Variants in RFX3 observed in about 807,000 individuals in gnomAD.
RFX3 encodes transcription factor RFX3.
A neutral mutation model predicts 98.6 loss-of-function variants in RFX3; 14 were observed. That is an observed-to-expected ratio of 0.14 (90% confidence interval 0.09 to 0.22). RFX3 has a LOEUF of 0.22. RFX3 is among the 10% of genes least tolerant of loss of function. The probability of loss-of-function intolerance (pLI) is 1.00; values close to 1 mark genes in which losing one functional copy is unlikely to be tolerated. For synonymous variants in RFX3, 383 were observed against 328.4 expected, an observed-to-expected ratio of 1.17 and a Z score of -1.80; for missense variants, 639 against 926.9, an observed-to-expected ratio of 0.69 and a Z score of 4.03.
intron 1 of RFX3, among the ~76,000 whole-genome samples, chr9:3,519,770 C>T (rs1227409643): frequency 1.3e-5 from 2 of 152,098 alleles, no homozygotes; most frequent in Non-Finnish European, 2.9e-5. Context: ...TTTATTGATA[C>T]TCTAAACACG....
At chr9:3,477,855 A>C (rs1159115098) in intron 1 of RFX3, among the ~76,000 whole-genome samples, 1 of 152,166 alleles carries the variant, frequency 6.6e-6, no homozygotes, top group Middle Eastern at 3.2e-3. Context: ...TGATCCTCAC[A>C]TTGAACAATC....
chr9:3,233,814 C>T (rs1245404190), intron 15 of RFX3, among the ~76,000 whole-genome samples: 1 of 134,020 alleles, frequency 7.5e-6, no homozygotes, highest in Non-Finnish European at 1.6e-5. Context: ...AGATAAAGTA[C>T]TTCGCATAGT....
At chr9:3,352,885 G>C (rs1835313918) in intron 2 of RFX3, among the ~76,000 whole-genome samples, 2 of 152,024 alleles carry the variant, frequency 1.3e-5, no homozygotes, top group Non-Finnish European at 2.9e-5. Flanking sequence ...GAAATATAAA[G>C]ACACGTGCAC....
chr9:3,254,059 A>G (rs540683678), intron 14 of RFX3, among the ~76,000 whole-genome samples: 1 of 152,272 alleles, frequency 6.6e-6, no homozygotes, highest in East Asian at 1.9e-4. Context: ...AACGAAAATA[A>G]TAACTATAAT....
intron 1 of RFX3, among the ~76,000 whole-genome samples, chr9:3,508,203 G>C (rs1395043245): frequency 6.6e-6 from 1 of 151,884 alleles, no homozygotes; most frequent in Admixed American, 6.6e-5. Context: ...TTCCATATTT[G>C]AGTTTCCTTC....
At chr9:3,487,917 C>A (rs1223690833) in intron 1 of RFX3, among the ~76,000 whole-genome samples, 2 of 152,106 alleles carry the variant, frequency 1.3e-5, no homozygotes, top group Non-Finnish European at 2.9e-5. Flanking sequence ...ACAATTCCTT[C>A]CCCATATAAC....
intron 1 of RFX3, among the ~76,000 whole-genome samples, chr9:3,420,452 A>C (rs1587608524): frequency 6.6e-6 from 1 of 152,172 alleles, no homozygotes; most frequent in Admixed American, 6.5e-5. Flanking sequence ...TTTTACATAC[A>C]TTATTTTATT....
At chr9:3,241,976 CA>C in intron 15 of RFX3, among the ~76,000 whole-genome samples, 1 of 152,240 alleles carries the variant, frequency 6.6e-6, no homozygotes, top group Non-Finnish European at 1.5e-5. Flanking sequence ...TTGTGATTGT[CA>C]GAGAGAAAAT....
intron 1 of RFX3, among the ~76,000 whole-genome samples, chr9:3,460,698 C>G (rs1847606724): frequency 6.9e-6 from 1 of 145,804 alleles, no homozygotes. Flanking sequence ...CTCCCTTAAT[C>G]CCAACCCAAC....
At chr9:3,250,670 A>G (rs193093263) in intron 14 of RFX3, among the ~76,000 whole-genome samples, 2 of 152,272 alleles carry the variant, frequency 1.3e-5, no homozygotes. Context: ...AAACTAGGAA[A>G]AGAAAGTAAA....
In RFX3 at chr9:3,222,080, A is replaced by G. The variant is rs951867695; in HGVS notation, c.*2962T>C. 2.0e-5 allele frequency: 3 copies of G among 152,178 alleles called. No homozygotes were observed. The highest frequency in any genetic ancestry group is 4.8e-5 in the African/African-American group (2 of 41,456). The allele number at this position is 152,178 out of a possible 1,614,324, so 9.4% of individuals were successfully genotyped here. A position where few individuals can be genotyped will look rare whatever the true frequency, so the allele number is the denominator to read the frequency against. ...TAAATGCAATAAATGTGATTGCTCA[A>G]TTTGCTCAAATGTATAAATTGTTTT... On this transcript the variant is annotated 3_prime_UTR_variant, in exon 17 of 17. Transcript: ENST00000617270.
chr9:3,269,191 T>A (rs1021642055), intron 11 of RFX3, among the ~76,000 whole-genome samples: 4 of 151,990 alleles, frequency 2.6e-5, no homozygotes, highest in Admixed American at 2.0e-4. Flanking sequence ...CTTATTCCTA[T>A]ATAAATTTAC....
intron 1 of RFX3, among the ~76,000 whole-genome samples, chr9:3,456,593 T>C (rs1416401340): frequency 6.6e-6 from 1 of 152,210 alleles, no homozygotes; most frequent in African/African-American, 2.4e-5. Flanking sequence ...TTCTCCAAGC[T>C]GACATCAATT....
chr9:3,471,976 G>A (rs1043212498), intron 1 of RFX3, among the ~76,000 whole-genome samples: 5 of 152,332 alleles, frequency 3.3e-5, no homozygotes, highest in South Asian at 2.1e-4. Context: ...GCTGACTTAT[G>A]ATAAACAGCA....
At chr9:3,314,728 G>A (rs1013113364) in intron 4 of RFX3, among the ~76,000 whole-genome samples, 2 of 151,930 alleles carry the variant, frequency 1.3e-5, no homozygotes. Flanking sequence ...TGCAATTCTA[G>A]TCTCTGATAA....
intron 14 of RFX3, among the ~76,000 whole-genome samples, chr9:3,253,578 C>A (rs908745245): frequency 6.6e-6 from 1 of 151,846 alleles, no homozygotes; most frequent in East Asian, 1.9e-4. Context: ...CAGGGAACCA[C>A]AATTAGTCAC....
intron 1 of RFX3, among the ~76,000 whole-genome samples, chr9:3,399,078 C>T (rs890802636): frequency 1.1e-4 from 17 of 151,776 alleles, no homozygotes; most frequent in African/African-American, 3.9e-4. Flanking sequence ...TTTTGTTTGA[C>T]TCAGAGTGAT....
chr9:3,449,664 C>A (rs1032325798), intron 1 of RFX3, among the ~76,000 whole-genome samples: 3 of 152,040 alleles, frequency 2.0e-5, no homozygotes, highest in Non-Finnish European at 2.9e-5. Flanking sequence ...CCAGCCTGGG[C>A]AACATGGCAA....
At chr9:3,358,380 G>C (rs1332270920) in intron 2 of RFX3, among the ~76,000 whole-genome samples, 1 of 152,014 alleles carries the variant, frequency 6.6e-6, no homozygotes, top group Non-Finnish European at 1.5e-5. Context: ...TTCATCAAGG[G>C]TCCCTTAAAA....
Sources: allele counts gnomAD v4.1 joint callset (sites outside exome capture counted in the v4.1 genomes callset), GRCh38; gene constraint gnomAD v4.1.1; transcripts MANE v1.5; gene names NCBI Gene and HGNC (gene_info 2026-07-23, HGNC 2026-07-21).